PMS2: variants seen among roughly 807,000 people sequenced by gnomAD.
PMS2 encodes mismatch repair endonuclease PMS2.
PMS2 carries 69 observed loss-of-function variants against 90.0 expected under a neutral mutation model. That is an observed-to-expected ratio of 0.77 (90% CI 0.63 to 0.94). PMS2 has a LOEUF of 0.94. PMS2 is among the 40% of genes least tolerant of loss of function. The pLI is 0.00. For synonymous variants in PMS2, 332 were observed against 375.1 expected, an observed-to-expected ratio of 0.89 and a Z score of 1.33; for missense variants, 966 against 1,040.2, an observed-to-expected ratio of 0.93 and a Z score of 0.98.
At chr7:6,006,808 C>T (rs563160161) in intron 1 of PMS2, among the ~76,000 whole-genome samples, 6 of 152,192 alleles carry the variant, frequency 3.9e-5, no homozygotes, top group African/African-American at 1.4e-4. Context: ...CTGAAGCTGC[C>T]AGCTGCTGTC....
At position 5,987,011 on chromosome 7, in the gene PMS2, A is replaced by G. The variant is rs2128724066; in HGVS notation, c.1754T>C (p.Leu585Pro). Residue 585 changes from leucine (L) to proline (P), a missense_variant, in exon 11 of 15, where the codon CTT (leucine) becomes CCT (proline). This residue lies in a region of PMS2 where 871 missense variants were observed against 802.4 expected (regional missense o/e 1.09). Coordinates refer to ENST00000265849, the MANE Select transcript of PMS2 (RefSeq NM_000535.7). ...CTTTTGACAAATGTCAGAACTGGAA[A>G]GAATTTCTTCTTTTTTAAAACGCTT... is the stretch of plus-strand genomic sequence containing the variant. ...NTKRFKKEEI[L>P]SSSDICQKLV... is the part of the protein sequence containing the mutation. 6.2e-7 allele frequency: 1 copy of G among 1,614,214 alleles called. No individual in the cohort carries two copies. The highest frequency in any genetic ancestry group is 8.5e-7 in the Non-Finnish European group (1 of 1,180,048).
At chr7:6,004,328 A>G in intron 2 of PMS2, 1 of 320,176 alleles carries the variant, frequency 3.1e-6, no homozygotes, top group Non-Finnish European at 5.7e-6. Context: ...AGGAACAAAA[A>G]AAATCTGTAA....
Position 5,978,664 on chromosome 7 carries a change from T to G in PMS2, c.2207A>C (p.Glu736Ala), listed in dbSNP as rs1060503115. Residue 736 changes from glutamate (E) to alanine (A), a missense_variant, in exon 13 of 15, where the codon GAA becomes GCA. This residue lies in a region of PMS2 where 95 missense variants were observed against 237.8 expected (regional missense o/e 0.40). Transcript: ENST00000265849. ...TTCCAGATTTTCTATCAGAACAGCT[T>G]CATTAACAGCAGTTAAGTTGAGAGT... ...PQTLNLTAVNEAVLIENLEIF... is the reference protein window; with the variant it reads ...PQTLNLTAVNAAVLIENLEIF... 1 of 1,601,760 alleles carries G rather than the reference T, an allele frequency of 6.2e-7. No individual in the cohort carries two copies.
intron 2 of PMS2, 88 bp from the exon 3 acceptor site, chr7:6,004,146 T>C (rs1264812079): frequency 1.3e-6 from 1 of 771,096 alleles, no homozygotes; most frequent in Non-Finnish European, 2.3e-6. Flanking sequence ...CATATGCAAA[T>C]TTAAGAGTCA....
At position 6,006,074 on chromosome 7, in the gene PMS2, T is replaced by C. The variant is rs367977895; in HGVS notation, c.24-43A>G. 7.7e-5 allele frequency: 123 copies of C among 1,603,326 alleles called. 1 individual carries two copies. In the South Asian group the frequency reaches 9.1e-4, roughly 12 times the overall value. On this transcript the variant is annotated intron_variant, in intron 1 of 14. Transcript: ENST00000265849. ...AAGAAACAAATCAAGTATTCAGCTA[T>C]ATATTTTCATCCTGATTTTAACTGT... is the stretch of plus-strand genomic sequence containing the variant.
chr7:5,999,043 G>C (rs1272512441), intron 6 of PMS2, 65 bp downstream of exon 6: 3 of 1,459,718 alleles, frequency 2.1e-6, no homozygotes, highest in African/African-American at 1.4e-5. Context: ...TACTGGAAGG[G>C]ACAATGGAAA....
chr7:6,008,227 T>C (rs188492652), intron 1 of PMS2, among the ~76,000 whole-genome samples: 1 of 152,284 alleles, frequency 6.6e-6, no homozygotes, highest in Non-Finnish European at 1.5e-5. Context: ...AATGTCTCAA[T>C]ACATTTAAAT....
At chr7:5,978,254 C>T (rs1399753126) in intron 13 of PMS2, among the ~76,000 whole-genome samples, 2 of 149,328 alleles carry the variant, frequency 1.3e-5, no homozygotes, top group Non-Finnish European at 3.0e-5. Context: ...TCTAAAAAGA[C>T]AAGAATCTAT....
chr7:5,997,642 T>A (rs1784578133), intron 6 of PMS2, among the ~76,000 whole-genome samples: 1 of 152,114 alleles, frequency 6.6e-6, no homozygotes, highest in African/African-American at 2.4e-5. Context: ...ACTCGTGGGT[T>A]CAAGCAATCC....
At chr7:6,002,413 T>C in intron 5 of PMS2, 40 bp downstream of exon 5, 1 of 1,325,040 alleles carries the variant, frequency 7.5e-7, no homozygotes, top group Non-Finnish European at 1.1e-6. Flanking sequence ...CTCATGTGCA[T>C]TAACCAATAC....
rs1452163554 is a variant in PMS2 at position 5,982,299 on chromosome 7, G to A, written c.2174+525C>T. On this transcript the variant is annotated intron_variant, in intron 12 of 14. Coordinates refer to ENST00000265849, the MANE Select transcript of PMS2 (RefSeq NM_000535.7). ...CGGCTCGCTGCAAACTCCGCCTCCC[G>A]GGTTCAAGCGATTCTCCTGCCTCAG... Among the ~76,000 whole-genome samples, 38 of 152,076 alleles carry A rather than the reference G, an allele frequency of 2.5e-4. No homozygotes were observed. In the East Asian group the frequency reaches 2.7e-3, roughly 11 times the overall value.
intron 12 of PMS2, 85 bp downstream of exon 12, chr7:5,982,739 T>C: frequency 6.2e-7 from 1 of 1,604,708 alleles, no homozygotes; most frequent in Non-Finnish European, 8.5e-7. Context: ...CTCAAACTCC[T>C]GGCCTCTTGT....
intron 5 of PMS2, chr7:6,002,223 C>T: frequency 2.2e-6 from 1 of 449,362 alleles, no homozygotes; most frequent in East Asian, 4.3e-5. Flanking sequence ...TTCATAGAGA[C>T]AGGGTCTCAC....
At chr7:5,984,347 G>A (rs1398426681) in intron 11 of PMS2, among the ~76,000 whole-genome samples, 4 of 151,748 alleles carry the variant, frequency 2.6e-5, no homozygotes, top group East Asian at 3.8e-4. Flanking sequence ...AGACACCACC[G>A]CTAACCTTCA....
At position 5,978,076 on chromosome 7, in the gene PMS2, G is replaced by A. The variant is rs1159768202; in HGVS notation, c.2276-319C>T. Among the ~76,000 whole-genome samples, 239 of 149,574 alleles carry A rather than the reference G, an allele frequency of 1.6e-3. 9 individuals are homozygous for A. Among genetic ancestry groups the A allele is most frequent in the Non-Finnish European group, 2.4e-3 (159 of 67,138 alleles). ...CGGAGCTTGCAGTGAGCCGAGATCGGCACCACTGCGCTCCAGCCTGGGCGA... is the reference window on the plus strand; with the variant it reads ...CGGAGCTTGCAGTGAGCCGAGATCGACACCACTGCGCTCCAGCCTGGGCGA... On this transcript the variant is annotated intron_variant, in intron 13 of 14. Coordinates refer to ENST00000265849, the MANE Select transcript of PMS2 (RefSeq NM_000535.7).
rs1004966235 is a variant in PMS2, at chr7:5,990,840, C to G, written c.989-885G>C. Among the ~76,000 whole-genome samples the G allele has an allele frequency of 1.6e-4, 25 of 152,068 alleles. 1 individual carries two copies. Among genetic ancestry groups the G allele is most frequent in the Admixed American group, 1.6e-3 (25 of 15,250 alleles). ...ACCAGCCTGGCCAACATGGCGAAAC[C>G]CCGTCTCTACTAAAAACACAAAAAA... On this transcript the variant is annotated intron_variant, in intron 9 of 14. Coordinates refer to ENST00000265849, the MANE Select transcript of PMS2 (RefSeq NM_000535.7).
chr7:5,996,616 C>T (rs1464543513), intron 7 of PMS2, among the ~76,000 whole-genome samples: 2 of 135,432 alleles, frequency 1.5e-5, no homozygotes, highest in African/African-American at 2.7e-5. Flanking sequence ...TATATATACA[C>T]ACAGATAGAT....
At chr7:5,998,151 A>G (rs1784644448) in intron 6 of PMS2, among the ~76,000 whole-genome samples, 1 of 146,660 alleles carries the variant, frequency 6.8e-6, no homozygotes, top group African/African-American at 2.6e-5. Context: ...GTGCAATCTC[A>G]GCTCACTGCA....
At position 6,003,463 on chromosome 7, in the gene PMS2, T is replaced by A. The variant is rs1025773627; in HGVS notation, c.353+227A>T. 5 of 540,328 alleles carry A rather than the reference T, an allele frequency of 9.3e-6. No homozygotes were observed. The African/African-American group carries it at 9.5e-5, about 10-fold the overall frequency. The allele number at this position is 540,328 out of a possible 1,614,324, so 33.5% of individuals were successfully genotyped here. A position where few individuals can be genotyped will look rare whatever the true frequency, so the allele number is the denominator to read the frequency against. On this transcript the variant is annotated intron_variant, in intron 4 of 14. Coordinates refer to ENST00000265849, the MANE Select transcript of PMS2 (RefSeq NM_000535.7). Reference sequence around the variant, plus strand: ...TTAGGTTAAAATTGAGAATTACTGTTTTAATAAGGGTAACCATCTTTTTAA... The same window carrying A: ...TTAGGTTAAAATTGAGAATTACTGTATTAATAAGGGTAACCATCTTTTTAA...
Sources: gnomAD v4.1 joint callset for allele counts (sites outside exome capture counted in the v4.1 genomes callset) on GRCh38, gnomAD v4.1.1 for gene constraint, gnomAD v4.1.1 regional missense constraint, MANE v1.5 for transcripts, NCBI Gene and HGNC (gene_info 2026-07-23, HGNC 2026-07-21) for gene names.